The following INPP5A variants were observed in gnomAD, a reference collection of about 807,000 sequenced individuals.
The protein encoded by INPP5A is inositol polyphosphate-5-phosphatase A.
INPP5A carries 14 observed loss-of-function variants against 65.2 expected under a neutral mutation model. That is an observed-to-expected ratio of 0.21 (90% CI 0.14 to 0.34). The LOEUF (loss-of-function observed/expected upper bound fraction) is 0.34, where lower values mean the gene tolerates loss of function less well. INPP5A is among the 10% of genes least tolerant of loss of function. The pLI is 1.00. For synonymous variants in INPP5A, 207 were observed against 208.3 expected (o/e 0.99, Z 0.05); for missense variants, 431 against 545.6 (o/e 0.79, Z 2.09).
At chr10:132,720,042 C>T (rs1384701117) in intron 8 of INPP5A, among the ~76,000 whole-genome samples, 1 of 150,268 alleles carries the variant, frequency 6.7e-6, no homozygotes, top group Non-Finnish European at 1.5e-5. Context: ...AGACGGCTGT[C>T]TTGTGGGTTC....
At chr10:132,771,408 G>A (rs975643180) in intron 12 of INPP5A, among the ~76,000 whole-genome samples, 2 of 152,252 alleles carry the variant, frequency 1.3e-5, no homozygotes, top group Non-Finnish European at 2.9e-5. Context: ...CCACGCCGGC[G>A]CCGGCAGTTT....
chr10:132,756,415 TGC>T (rs1381440436), intron 11 of INPP5A, among the ~76,000 whole-genome samples: 2 of 152,220 alleles, frequency 1.3e-5, no homozygotes, highest in Non-Finnish European at 2.9e-5. Flanking sequence ...CTTGTGTGTG[TGC>T]GTGTGTGTAT....
chr10:132,616,686 G>A lies in INPP5A; in HGVS notation c.117+8730G>A, dbSNP rs1368856066. Among the ~76,000 whole-genome samples the A allele has an allele frequency of 6.6e-6, 1 of 151,438 alleles. No homozygotes were observed. On this transcript the variant is annotated intron_variant, in intron 2 of 15. Transcript: ENST00000368594. This position sits in a 1 kb window ranked among gnomAD's most constrained non-coding sequence, Gnocchi z 4.9. ...GTAGGGTGTGGTGGTGATGGAGGTG[G>A]TGTGGTAATGTGGCGTGGAGGATGC...
rs150972062 is a variant in INPP5A at position 132,624,045 on chromosome 10, C to T, written c.117+16089C>T. 1.5e-3 allele frequency among the ~76,000 whole-genome samples: 231 copies of T among 152,304 alleles called. 1 individual carries two copies. Among genetic ancestry groups the T allele is most frequent in the Middle Eastern group, 0.014 (4 of 294 alleles). ...AGTGTTGATGAAGACGCAGGGCCAC[C>T]GGAAGTCCTATGCCTGCTGCTGGCC... On this transcript the variant is annotated intron_variant, in intron 2 of 15. Transcript: ENST00000368594.
intron 2 of INPP5A, among the ~76,000 whole-genome samples, chr10:132,638,441 T>C (rs544063134): frequency 2.6e-5 from 4 of 152,382 alleles, no homozygotes; most frequent in African/African-American, 9.6e-5. Context: ...TTGCTGTGCC[T>C]TTGTGCTTCA....
intron 1 of INPP5A, among the ~76,000 whole-genome samples, chr10:132,590,482 G>A (rs1485546344): frequency 1.3e-5 from 2 of 152,170 alleles, no homozygotes; most frequent in African/African-American, 2.4e-5. Flanking sequence ...GGAGTGTGGG[G>A]GAGACACTGT....
intron 8 of INPP5A, among the ~76,000 whole-genome samples, chr10:132,724,718 C>G (rs987886061): frequency 5.4e-5 from 8 of 149,418 alleles, no homozygotes; most frequent in African/African-American, 2.0e-4. Context: ...GGGTTACTCA[C>G]TCTCCATAAC....
At chr10:132,735,928 C>T (rs948801209) in intron 9 of INPP5A, among the ~76,000 whole-genome samples, 1 of 152,190 alleles carries the variant, frequency 6.6e-6, no homozygotes, top group East Asian at 1.9e-4. Flanking sequence ...ATCCGGGAGT[C>T]CTGCCCTGCC....
chr10:132,600,458 T>C (rs2493898), intron 1 of INPP5A, among the ~76,000 whole-genome samples: 38,062 of 152,170 alleles, frequency 0.25, 5,517 homozygotes, highest in East Asian at 0.5. Context: ...GTATTGCTGT[T>C]GGCATTTTGG....
chr10:132,621,066 T>C (rs2072101306), intron 2 of INPP5A, among the ~76,000 whole-genome samples: 1 of 152,210 alleles, frequency 6.6e-6, no homozygotes, highest in Non-Finnish European at 1.5e-5. Context: ...GACACAATTC[T>C]GTAACCATTT....
intron 1 of INPP5A, among the ~76,000 whole-genome samples, chr10:132,576,066 T>C (rs1164758413): frequency 6.6e-6 from 1 of 152,154 alleles, no homozygotes; most frequent in East Asian, 1.9e-4. Flanking sequence ...AGCTCCTTGG[T>C]GACCAGACTC....
intron 4 of INPP5A, among the ~76,000 whole-genome samples, chr10:132,686,832 G>C (rs984075540): frequency 8.5e-5 from 13 of 152,380 alleles, no homozygotes; most frequent in African/African-American, 3.1e-4. Context: ...GCTGATGTTG[G>C]TGGAGGAGAC....
chr10:132,735,710 A>G (rs1169598358), intron 9 of INPP5A, among the ~76,000 whole-genome samples: 1 of 152,176 alleles, frequency 6.6e-6, no homozygotes, highest in African/African-American at 2.4e-5. Context: ...GACTCATCAG[A>G]GGTTAATTAA....
chr10:132,765,370 T>C (rs1199607532), intron 11 of INPP5A, among the ~76,000 whole-genome samples: 1 of 152,238 alleles, frequency 6.6e-6, no homozygotes, highest in Non-Finnish European at 1.5e-5. Context: ...AAAGCTGACA[T>C]TGCTCACTCT....
rs751612840 is a variant in INPP5A at position 132,710,409 on chromosome 10, C to T, written c.600C>T (p.Ser200=). 29 of 1,614,118 alleles carry T rather than the reference C, an allele frequency of 1.8e-5. No homozygotes were observed. The highest frequency in any genetic ancestry group is 6.6e-5 in the South Asian group (6 of 91,080). The part of the protein sequence containing the change: ...SNLVAWETSP[S]VYSGIRHKAL... ...TGGTCGCCTGGGAAACAAGCCCTTC[C>T]GTGTACTCGGGAATCCGGCACAAGG... The change falls in exon 8 of 16, where the codon TCC becomes TCT. Residue 200 remains serine, a synonymous_variant. Transcript: ENST00000368594.
In INPP5A at chr10:132,603,915, G is replaced by A. The variant is rs940858074; in HGVS notation, c.76-4000G>A. On this transcript the variant is annotated intron_variant, in intron 1 of 15. Coordinates refer to ENST00000368594, the MANE Select transcript of INPP5A (RefSeq NM_005539.5). The surrounding 1 kb of genome is among the most constrained non-coding windows in gnomAD (Gnocchi z 4.2). Reference sequence around the variant, plus strand: ...CTGAGTTCTGCCCTGCGCCGTCAGGGTCCCCTCTCCGTCCAGCCCTGCGCC... The same window carrying A: ...CTGAGTTCTGCCCTGCGCCGTCAGGATCCCCTCTCCGTCCAGCCCTGCGCC... 2.0e-5 allele frequency among the ~76,000 whole-genome samples: 3 copies of A among 151,726 alleles called. No individual in the cohort carries two copies. The highest frequency in any genetic ancestry group is 4.4e-5 in the Non-Finnish European group (3 of 67,938).
chr10:132,573,844 T>C (rs71503748), intron 1 of INPP5A, among the ~76,000 whole-genome samples: 2 of 130,180 alleles, frequency 1.5e-5, no homozygotes, highest in Non-Finnish European at 1.6e-5. Context: ...TTGGGGTGTG[T>C]GTGCTGTGTG....
intron 11 of INPP5A, among the ~76,000 whole-genome samples, chr10:132,752,674 G>GTGGAGGGGGTGCGGCA: frequency 7.5e-6 from 1 of 132,758 alleles, no homozygotes. Context: ...GGCACGGGGC[G>GTGGAGGGGGTGCGGCA]TGGAGGGGGT....
intron 2 of INPP5A, among the ~76,000 whole-genome samples, chr10:132,645,439 C>CGCACACGTAT (rs895502719): frequency 1.3e-5 from 2 of 152,246 alleles, no homozygotes; most frequent in Non-Finnish European, 2.9e-5. Flanking sequence ...TACGTGCTCC[C>CGCACACGTAT]GCACACGTAT....
Sources: allele counts gnomAD v4.1 joint callset (sites outside exome capture counted in the v4.1 genomes callset), GRCh38; gene constraint gnomAD v4.1.1; non-coding constraint Gnocchi (gnomAD v3.1); transcripts MANE v1.5; gene names NCBI Gene and HGNC (gene_info 2026-07-23, HGNC 2026-07-21).